The following LDLRAP1 variants were observed in gnomAD, a reference collection of about 807,000 sequenced individuals.
LDLRAP1 encodes the protein low density lipoprotein receptor adaptor protein 1.
Under a neutral mutation model 37.8 loss-of-function variants are expected in LDLRAP1, and 30 were observed. The observed-to-expected ratio is 0.79, with a 90% CI of 0.59 to 1.08. The LOEUF (loss-of-function observed/expected upper bound fraction) is 1.08. LDLRAP1 is among the 50% of genes least tolerant of loss of function. The pLI, the probability that LDLRAP1 is intolerant of heterozygous loss-of-function variation, is 0.00. For synonymous variants in LDLRAP1, 156 were observed against 169.8 expected (o/e 0.92, Z 0.63); for missense variants, 375 against 401.6 (o/e 0.93, Z 0.57).
intron 1 of LDLRAP1, chr1:25,553,562 T>C (rs2044125494): frequency 3.2e-6 from 1 of 309,288 alleles, no homozygotes; most frequent in Non-Finnish European, 6.3e-6. Flanking sequence ...TTATTAAAAG[T>C]GACAGCAGAC....
intron 7 of LDLRAP1, chr1:25,564,245 G>T (rs368290946): frequency 1.1e-5 from 2 of 185,810 alleles, no homozygotes; most frequent in African/African-American, 2.4e-5. Context: ...CTCAGTAAGG[G>T]TGATGACCTC....
the LDLRAP1 span, among the ~76,000 whole-genome samples, chr1:25,578,961 A>G: frequency 2.6e-5 from 4 of 152,328 alleles, no homozygotes; most frequent in African/African-American, 9.6e-5. Context: ...AATGAGAAAC[A>G]TGGCTTCTTA....
chr1:25,565,191 G>A lies in LDLRAP1; in HGVS notation c.766G>A (p.Asp256Asn), dbSNP rs766786730. Residue 256 changes from aspartate (D) to asparagine (N), a missense_variant, in exon 8 of 9, where the codon GAT (aspartate) becomes AAT (asparagine). Physicochemically the swap from Asp to Asn is conservative, Grantham distance 23 (BLOSUM62 1). Coordinates refer to ENST00000374338, the MANE Select transcript of LDLRAP1 (RefSeq NM_015627.3). Reference protein sequence around the residue: ...SVVWELDDGLDEAFSRLAQSR... With the variant: ...SVVWELDDGLNEAFSRLAQSR... ...CCCCAAGGAGCTGGATGATGGCCTG[G>A]ATGAAGCGTTTTCGAGGTAATGCTA... 3 of 1,614,214 alleles carry A rather than the reference G, an allele frequency of 1.9e-6. No individual in the cohort carries two copies. Among genetic ancestry groups the A allele is most frequent in the South Asian group, 2.2e-5 (2 of 91,090 alleles).
chr1:25,573,603 T>TG (rs1215525745), downstream of LDLRAP1, among the ~76,000 whole-genome samples: 1 of 152,092 alleles, frequency 6.6e-6, no homozygotes, highest in Non-Finnish European at 1.5e-5. Flanking sequence ...CCAACACTGT[T>TG]GGGGGGCAGG....
rs1474482761 is a variant in LDLRAP1, at chr1:25,566,910, A to C, written c.845A>C (p.His282Pro). 9.9e-6 allele frequency: 16 copies of C among 1,613,290 alleles called. No homozygotes were observed. Among genetic ancestry groups the C allele is most frequent in the Non-Finnish European group, 1.1e-5 (13 of 1,179,912 alleles). ...ACTGGCCTGACAGCCCAGGACATGC[A>C]TTACGCCCAGTGCCTCTCGCCTGTC... ...LDTGLTAQDM[H>P]YAQCLSPVDW... Residue 282 changes from histidine (H) to proline (P), a missense_variant, in exon 9 of 9, where the codon CAT becomes CCT. Transcript: ENST00000374338.
the LDLRAP1 span, among the ~76,000 whole-genome samples, chr1:25,575,702 C>T: frequency 4.8e-3 from 727 of 152,286 alleles, 6 homozygotes; most frequent in Middle Eastern, 0.014. Flanking sequence ...GCGGGACCGG[C>T]GTCTTGGGCC....
rs577626924 is a variant in LDLRAP1 at position 25,553,956 on chromosome 1, G to A, written c.123G>A (p.Thr41=). ...LPENWTDTRE[T]LLEGMLFSLK... Reference sequence around the variant, plus strand: ...AGAACTGGACAGACACGCGGGAGACGCTGCTGGAGGGGATGCTGTTCAGCC... The same window carrying A: ...AGAACTGGACAGACACGCGGGAGACACTGCTGGAGGGGATGCTGTTCAGCC... Residue 41 remains threonine, a synonymous_variant, in exon 2 of 9, where the codon ACG becomes ACA. Coordinates refer to ENST00000374338, the MANE Select transcript of LDLRAP1 (RefSeq NM_015627.3). The A allele has an allele frequency of 4.3e-6, 7 of 1,613,964 alleles. No individual in the cohort carries two copies. Among genetic ancestry groups the A allele is most frequent in the Middle Eastern group, 1.7e-4 (1 of 6,048 alleles).
chr1:25,553,425 G>A (rs74693812), intron 1 of LDLRAP1: 7,961 of 159,418 alleles, frequency 0.05, 625 homozygotes, highest in East Asian at 0.32. Context: ...CATGGCCTCC[G>A]TGTCTTTGTC....
At chr1:25,586,380 C>A in the LDLRAP1 span, among the ~76,000 whole-genome samples, 1 of 152,136 alleles carries the variant, frequency 6.6e-6, no homozygotes, top group Non-Finnish European at 1.5e-5. The surrounding 1 kb of genome is among the most constrained non-coding windows in gnomAD (Gnocchi z 4.3). Flanking sequence ...GATTGTGCTG[C>A]GGCCGCATCT....
intron 5 of LDLRAP1, 147 bp downstream of exon 5, chr1:25,562,863 T>C: frequency 1.2e-6 from 1 of 833,336 alleles, no homozygotes; most frequent in South Asian, 1.4e-5. Flanking sequence ...GAGTCTCGGT[T>C]TTCCCATCTG....
the LDLRAP1 span, among the ~76,000 whole-genome samples, chr1:25,575,987 G>A: frequency 4.6e-5 from 7 of 152,058 alleles, no homozygotes; most frequent in Admixed American, 6.6e-5. Context: ...CCAGCACTTC[G>A]GGAGGCCAAG....
chr1:25,565,338 ATCCCTCCAC>A, intron 8 of LDLRAP1, 131 bp downstream of exon 8: 1 of 989,472 alleles, frequency 1.0e-6, no homozygotes, highest in Admixed American at 1.8e-5. Flanking sequence ...CAACAGTCCC[ATCCCTCCAC>A]TCAAATGCTT....
chr1:25,587,610 G>A, the LDLRAP1 span, among the ~76,000 whole-genome samples: 15,063 of 152,268 alleles, frequency 0.099, 1,666 homozygotes, highest in East Asian at 0.24. Flanking sequence ...CAGGACTTGT[G>A]CTGGAACCAG....
chr1:25,578,666 G>A, the LDLRAP1 span, among the ~76,000 whole-genome samples: 4 of 152,104 alleles, frequency 2.6e-5, no homozygotes, highest in Admixed American at 1.3e-4. Context: ...AGGCACACAT[G>A]CCACTGCACC....
At chr1:25,548,054 G>T (rs1312810870) in intron 1 of LDLRAP1, among the ~76,000 whole-genome samples, 3 of 152,206 alleles carry the variant, frequency 2.0e-5, no homozygotes, top group Non-Finnish European at 4.4e-5. Flanking sequence ...AAGGGGCTTG[G>T]GCTGCAGGAG....
chr1:25,580,487 C>T, the LDLRAP1 span, among the ~76,000 whole-genome samples: 1 of 151,976 alleles, frequency 6.6e-6, no homozygotes, highest in Admixed American at 6.6e-5. Context: ...AACATTTTGG[C>T]TTCATTATCT....
chr1:25,576,253 G>A, the LDLRAP1 span, among the ~76,000 whole-genome samples: 2 of 151,102 alleles, frequency 1.3e-5, no homozygotes, highest in African/African-American at 2.4e-5. Context: ...TAGGCCAGAC[G>A]TGGTGGCTCA....
At position 25,555,013 on chromosome 1, in the gene LDLRAP1, G is replaced by A. The variant is rs980138729; in HGVS notation, c.344+41G>A. The A allele has an allele frequency of 2.1e-6, 3 of 1,421,610 alleles. No individual in the cohort carries two copies. In the East Asian group the frequency reaches 6.8e-5, roughly 32 times the overall value. 88.1% of individuals were successfully genotyped at this position (1,421,610 alleles called of 1,614,324 possible). A position where few individuals can be genotyped will look rare whatever the true frequency, so the allele number is the denominator to read the frequency against. On this transcript the variant is annotated intron_variant, in intron 3 of 8. Transcript: ENST00000374338. The surrounding 1 kb of genome is among the most constrained non-coding windows in gnomAD (Gnocchi z 4.7). ...GGTTGGCCCATCCACTCTGCCACTTGGGGCAGTGGGTGGAGTATCCCATCT... is the reference window on the plus strand; with the variant it reads ...GGTTGGCCCATCCACTCTGCCACTTAGGGCAGTGGGTGGAGTATCCCATCT...
intron 6 of LDLRAP1, 57 bp downstream of exon 6, chr1:25,563,210 C>G: frequency 6.8e-7 from 1 of 1,481,162 alleles, no homozygotes; most frequent in Admixed American, 1.7e-5. Flanking sequence ...GCGCTTCACC[C>G]AGGGGGGTCC....
Sources: gnomAD v4.1 joint callset for allele counts (sites outside exome capture counted in the v4.1 genomes callset) on GRCh38, gnomAD v4.1.1 for gene constraint, Gnocchi (gnomAD v3.1) non-coding constraint, MANE v1.5 for transcripts, NCBI Gene and HGNC (gene_info 2026-07-23, HGNC 2026-07-21) for gene names.